TBC1D22A: variants seen among roughly 807,000 people sequenced by gnomAD.
The protein encoded by TBC1D22A is TBC1 domain family member 22A.
In TBC1D22A, 38 loss-of-function variants were observed where a neutral mutation model predicts 60.2. The ratio of observed to expected loss-of-function variants is 0.63; its 90% CI spans 0.49 to 0.83. The LOEUF (loss-of-function observed/expected upper bound fraction) is 0.83, where lower values mean the gene tolerates loss of function less well. Among genes scored for constraint, TBC1D22A ranks in the 40% least tolerant of loss-of-function variants. TBC1D22A has a pLI of 0.00. For synonymous variants in TBC1D22A, 302 were observed against 281.7 expected (o/e 1.07, Z -0.72); for missense variants, 628 against 701.0 (o/e 0.90, Z 1.18).
intron 4 of TBC1D22A, among the ~76,000 whole-genome samples, chr22:46,824,400 G>T (rs890145454): frequency 2.0e-5 from 3 of 152,194 alleles, no homozygotes; most frequent in Non-Finnish European, 4.4e-5. Context: ...GGGTGTGTGG[G>T]GATGAGCTTG....
chr22:46,957,718 CA>C (rs2073279732), intron 8 of TBC1D22A, among the ~76,000 whole-genome samples: 1 of 152,240 alleles, frequency 6.6e-6, no homozygotes, highest in South Asian at 2.1e-4. Context: ...TGGGGCCTTC[CA>C]GCGCCAGAGA....
intron 5 of TBC1D22A, among the ~76,000 whole-genome samples, chr22:46,881,105 A>G (rs2067828032): frequency 6.6e-6 from 1 of 152,100 alleles, no homozygotes; most frequent in Admixed American, 6.5e-5. Context: ...GGGGCCCAAG[A>G]GGAGACCAGG....
At chr22:47,050,570 T>TGG (rs748927385) in intron 11 of TBC1D22A, among the ~76,000 whole-genome samples, 11 of 152,204 alleles carry the variant, frequency 7.2e-5, no homozygotes, top group Non-Finnish European at 1.3e-4. Context: ...AGCATTTGCT[T>TGG]GGGACCGCGT....
intron 10 of TBC1D22A, among the ~76,000 whole-genome samples, chr22:47,027,904 C>T (rs6009107): frequency 0.41 from 62,674 of 151,838 alleles, 14,796 homozygotes; most frequent in African/African-American, 0.66. Context: ...CCACTCCTCC[C>T]CCCTGGGCAG....
intron 11 of TBC1D22A, among the ~76,000 whole-genome samples, chr22:47,098,240 G>A (rs1405514083): frequency 6.6e-6 from 1 of 152,156 alleles, no homozygotes; most frequent in African/African-American, 2.4e-5. Context: ...GCTCTAAGAA[G>A]AGTATTTCTC....
intron 12 of TBC1D22A, among the ~76,000 whole-genome samples, chr22:47,149,521 C>T (rs898926438): frequency 5.3e-5 from 8 of 152,188 alleles, no homozygotes; most frequent in African/African-American, 1.9e-4. Flanking sequence ...AGGAGGTGGG[C>T]GGGACAGAGT....
chr22:47,057,876 G>A (rs1397201013), intron 11 of TBC1D22A, among the ~76,000 whole-genome samples: 1 of 152,204 alleles, frequency 6.6e-6, no homozygotes, highest in Non-Finnish European at 1.5e-5. Flanking sequence ...CCTGCCCCAT[G>A]GGGGTTTATA....
intron 12 of TBC1D22A, among the ~76,000 whole-genome samples, chr22:47,111,843 A>G (rs1367615122): frequency 6.6e-6 from 1 of 152,210 alleles, no homozygotes; most frequent in African/African-American, 2.4e-5. Flanking sequence ...TGGCTGTGTG[A>G]CAAGCTCCCT....
chr22:46,784,108 C>T (rs565880777), intron 1 of TBC1D22A, among the ~76,000 whole-genome samples: 14 of 152,152 alleles, frequency 9.2e-5, no homozygotes, highest in African/African-American at 3.4e-4. Context: ...TGCAGTGGTG[C>T]GATCACAGCT....
At chr22:47,057,449 G>T (rs2063432158) in intron 11 of TBC1D22A, among the ~76,000 whole-genome samples, 1 of 152,184 alleles carries the variant, frequency 6.6e-6, no homozygotes, top group South Asian at 2.1e-4. Flanking sequence ...TTCTTTCCGG[G>T]AGCCGTGGGC....
chr22:47,059,214 G>A (rs766483490), intron 11 of TBC1D22A, among the ~76,000 whole-genome samples: 5 of 152,196 alleles, frequency 3.3e-5, no homozygotes, highest in African/African-American at 4.8e-5. Context: ...CGCCTCCACT[G>A]TCTGGCACCT....
At chr22:47,064,619 GTCC>G (rs1245308236) in intron 11 of TBC1D22A, among the ~76,000 whole-genome samples, 1 of 152,180 alleles carries the variant, frequency 6.6e-6, no homozygotes, top group Non-Finnish European at 1.5e-5. Context: ...CTGCCCCCTC[GTCC>G]TCCTCAGGGC....
chr22:46,933,359 G>T (rs542399890), intron 8 of TBC1D22A, among the ~76,000 whole-genome samples: 374 of 152,334 alleles, frequency 2.5e-3, no homozygotes, highest in Non-Finnish European at 3.9e-3. Context: ...AGTGTCTTCC[G>T]ATCCTCAGTA....
chr22:47,112,279 G>T (rs2065878501), intron 12 of TBC1D22A, among the ~76,000 whole-genome samples: 1 of 152,208 alleles, frequency 6.6e-6, no homozygotes, highest in Non-Finnish European at 1.5e-5. Flanking sequence ...GGTGCGGGCT[G>T]GGAAGTCCTT....
At chr22:46,816,026 G>T (rs1028914065) in intron 4 of TBC1D22A, among the ~76,000 whole-genome samples, 7 of 152,188 alleles carry the variant, frequency 4.6e-5, no homozygotes, top group Non-Finnish European at 1.0e-4. Context: ...CCTGCAGGTG[G>T]TGTCATTTCC....
chr22:46,819,704 T>G (rs2085748012), intron 4 of TBC1D22A, among the ~76,000 whole-genome samples: 1 of 152,238 alleles, frequency 6.6e-6, no homozygotes, highest in Non-Finnish European at 1.5e-5. Context: ...TTTTCTTTTT[T>G]TGTTGTGTCT....
intron 8 of TBC1D22A, among the ~76,000 whole-genome samples, chr22:46,970,991 C>G (rs2074026238): frequency 6.6e-6 from 1 of 152,182 alleles, no homozygotes; most frequent in African/African-American, 2.4e-5. Flanking sequence ...CCCTGTGCCA[C>G]TCTGTGTGCC....
intron 10 of TBC1D22A, among the ~76,000 whole-genome samples, chr22:47,018,471 T>G (rs2061975320): frequency 6.6e-6 from 1 of 152,182 alleles, no homozygotes; most frequent in African/African-American, 2.4e-5. Flanking sequence ...AGCCTCCTCT[T>G]CTCTGCCTGC....
chr22:46,880,271 CGAATGGTTACATTCTTTT>C (rs957785028), intron 5 of TBC1D22A, among the ~76,000 whole-genome samples: 22 of 152,286 alleles, frequency 1.4e-4, no homozygotes, highest in African/African-American at 5.1e-4. Context: ...AGGTGATACA[CGAATGGTTACATTCTTTT>C]GAGTTTCTGA....
Sources: gnomAD v4.1 joint callset for allele counts (sites outside exome capture counted in the v4.1 genomes callset) on GRCh38, gnomAD v4.1.1 for gene constraint, MANE v1.5 for transcripts, NCBI Gene and HGNC (gene_info 2026-07-23, HGNC 2026-07-21) for gene names.